Variants in GRID1 observed in about 807,000 individuals in gnomAD.
GRID1 encodes glutamate ionotropic receptor delta type subunit 1.
In GRID1, 28 loss-of-function variants were observed where a neutral mutation model predicts 98.0. That is an observed-to-expected ratio of 0.29 (90% CI 0.21 to 0.39). The LOEUF is 0.39. GRID1 is among the 10% of genes least tolerant of loss of function. The probability of loss-of-function intolerance (pLI) is 1.00; values close to 1 mark genes in which losing one functional copy is unlikely to be tolerated. For synonymous variants in GRID1, 553 were observed against 538.5 expected (o/e 1.03, Z -0.37); for missense variants, 1,111 against 1,340.5 (o/e 0.83, Z 2.67).
chr10:86,143,015 T>A (rs1252255861), intron 3 of GRID1, among the ~76,000 whole-genome samples: 1 of 152,220 alleles, frequency 6.6e-6, no homozygotes, highest in Non-Finnish European at 1.5e-5. Context: ...ATTTCTGGCT[T>A]CTATTCCAGC....
At chr10:85,728,364 A>T (rs1157429963) in intron 9 of GRID1, among the ~76,000 whole-genome samples, 1 of 152,184 alleles carries the variant, frequency 6.6e-6, no homozygotes, top group East Asian at 1.9e-4. Context: ...CGTTTGTAAC[A>T]TCCATGCAGA....
chr10:85,989,705 TC>T (rs1447527069), intron 4 of GRID1, among the ~76,000 whole-genome samples: 2 of 152,204 alleles, frequency 1.3e-5, no homozygotes, highest in African/African-American at 4.8e-5. Flanking sequence ...AACATTGTCT[TC>T]CACGAAATCT....
chr10:86,053,040 A>T (rs779352015), intron 4 of GRID1, among the ~76,000 whole-genome samples: 4 of 152,162 alleles, frequency 2.6e-5, no homozygotes, highest in Non-Finnish European at 5.9e-5. Flanking sequence ...ATGGCCTCCC[A>T]TACGATGGAA....
At chr10:85,754,232 T>G (rs1000247939) in intron 8 of GRID1, among the ~76,000 whole-genome samples, 7 of 152,078 alleles carry the variant, frequency 4.6e-5, no homozygotes, top group African/African-American at 1.7e-4. Flanking sequence ...ATGTGGGCAA[T>G]AGTTCACAGA....
At chr10:85,899,430 A>G in intron 5 of GRID1, among the ~76,000 whole-genome samples, 1 of 152,154 alleles carries the variant, frequency 6.6e-6, no homozygotes, top group East Asian at 1.9e-4. Flanking sequence ...ATGTATACCC[A>G]GTAGTGGGAC....
At chr10:85,666,891 C>T (rs1359015537) in intron 12 of GRID1, among the ~76,000 whole-genome samples, 1 of 152,182 alleles carries the variant, frequency 6.6e-6, no homozygotes, top group South Asian at 2.1e-4. Flanking sequence ...GCTGCCTTGC[C>T]CCTCACTCTG....
chr10:86,082,035 G>T (rs1000061210), intron 4 of GRID1, among the ~76,000 whole-genome samples: 2 of 152,224 alleles, frequency 1.3e-5, no homozygotes, highest in African/African-American at 4.8e-5. Flanking sequence ...TTTATTGGTT[G>T]TAACAATTAT....
chr10:86,086,628 G>A (rs1844061693), intron 4 of GRID1, among the ~76,000 whole-genome samples: 1 of 152,210 alleles, frequency 6.6e-6, no homozygotes, highest in Admixed American at 6.5e-5. Flanking sequence ...GTGTGTGTGT[G>A]TGCAAGCATG....
In GRID1 at chr10:86,068,658, T is replaced by A. The variant is rs559967654; in HGVS notation, c.726+70161A>T. ...CTACTGCCAGCGACGGTGCCTCAGA[T>A]ACTGTCACACACGCTCCAGCTGAAT... On this transcript the variant is annotated intron_variant, in intron 4 of 15. Transcript: ENST00000327946. 1.2e-3 allele frequency among the ~76,000 whole-genome samples: 187 copies of A among 152,332 alleles called. 1 individual carries two copies. Among genetic ancestry groups the A allele is most frequent in the Non-Finnish European group, 1.4e-3 (93 of 68,028 alleles).
chr10:85,922,078 G>A (rs1460947979), intron 4 of GRID1, among the ~76,000 whole-genome samples: 1 of 152,204 alleles, frequency 6.6e-6, no homozygotes, highest in Non-Finnish European at 1.5e-5. Context: ...CGGCCCAACT[G>A]TCTCCAAAGC....
intron 4 of GRID1, among the ~76,000 whole-genome samples, chr10:86,020,525 G>A (rs1843035363): frequency 6.6e-6 from 1 of 152,236 alleles, no homozygotes; most frequent in Non-Finnish European, 1.5e-5. Context: ...TTTGCTCAGT[G>A]ACCTTGGCTT....
chr10:85,923,468 G>C (rs989938337), intron 4 of GRID1, among the ~76,000 whole-genome samples: 5 of 152,158 alleles, frequency 3.3e-5, no homozygotes, highest in Admixed American at 3.3e-4. Flanking sequence ...GCTGGGAAAG[G>C]CTGGAGGGGA....
intron 4 of GRID1, among the ~76,000 whole-genome samples, chr10:86,031,876 G>C (rs1401584075): frequency 6.6e-6 from 1 of 152,208 alleles, no homozygotes; most frequent in Non-Finnish European, 1.5e-5. Flanking sequence ...CCTGCTCAGA[G>C]TCTTTGCACT....
chr10:85,661,766 TG>T (rs1333291410), intron 12 of GRID1, among the ~76,000 whole-genome samples: 1 of 152,176 alleles, frequency 6.6e-6, no homozygotes, highest in African/African-American at 2.4e-5. Context: ...TGAAAGGTAA[TG>T]CACAAAATTT....
chr10:86,264,826 G>C (rs1847079966), intron 2 of GRID1: 1 of 464,194 alleles, frequency 2.2e-6, no homozygotes, highest in Non-Finnish European at 4.5e-6. Context: ...GCCCCTTCCT[G>C]GTTGGCCCTG....
In GRID1 at chr10:86,139,014, C is replaced by T. The variant is rs1310885210; in HGVS notation, c.531G>A (p.Gly177=). ...AGGCCTGGTCCAGAAAGCTTTGAAG[C>T]CCACGGATATCTGAGCAGTGAGAGA... The part of the protein sequence containing the change: ...MFYDSEYDIR[G]LQSFLDQASR... The change falls in exon 4 of 16, where the codon GGG becomes GGA. Residue 177 remains glycine (G), a synonymous_variant. Transcript: ENST00000327946. 6.2e-7 allele frequency: 1 copy of T among 1,611,532 alleles called. No homozygotes were observed. The highest frequency in any genetic ancestry group is 8.5e-7 in the Non-Finnish European group (1 of 1,177,630).
At chr10:85,975,427 C>T (rs964075624) in intron 4 of GRID1, among the ~76,000 whole-genome samples, 5 of 152,234 alleles carry the variant, frequency 3.3e-5, no homozygotes, top group African/African-American at 1.2e-4. Flanking sequence ...GTGGCTCCTC[C>T]AGGCCATCCA....
intron 4 of GRID1, among the ~76,000 whole-genome samples, chr10:86,110,512 G>A (rs955900856): frequency 3.3e-5 from 5 of 152,308 alleles, no homozygotes; most frequent in African/African-American, 9.6e-5. Flanking sequence ...AGGCAATGGG[G>A]GGAAAGCTGG....
In GRID1 at chr10:85,975,619, C is replaced by A. The variant is rs74969322; in HGVS notation, c.727-59380G>T. ...CCTCCCTGCGGAAAATGAGCAGTGT[C>A]CAGTCTATAGTAAGCTACCCCAGAA... On this transcript the variant is annotated intron_variant, in intron 4 of 15. Coordinates refer to ENST00000327946, the MANE Select transcript of GRID1 (RefSeq NM_017551.3). Among the ~76,000 whole-genome samples, 27 of 151,896 alleles carry A rather than the reference C, an allele frequency of 1.8e-4. No homozygotes were observed. In the East Asian group the frequency reaches 5.2e-3, roughly 30 times the overall value.
Sources: allele counts gnomAD v4.1 joint callset (sites outside exome capture counted in the v4.1 genomes callset), GRCh38; gene constraint gnomAD v4.1.1; transcripts MANE v1.5; gene names NCBI Gene and HGNC (gene_info 2026-07-23, HGNC 2026-07-21).